Variants in RRP7A observed in about 807,000 individuals in gnomAD.
RRP7A encodes ribosomal RNA-processing protein 7 homolog A.
RRP7A carries 27 observed loss-of-function variants against 38.4 expected under a neutral mutation model. That is an observed-to-expected ratio of 0.70 (90% CI 0.52 to 0.97). RRP7A has a LOEUF of 0.97. RRP7A is among the 50% of genes least tolerant of loss of function. The pLI is 0.00. For synonymous variants in RRP7A, 124 were observed against 150.3 expected, an observed-to-expected ratio of 0.83 and a Z score of 1.28; for missense variants, 327 against 375.4, an observed-to-expected ratio of 0.87 and a Z score of 1.07.
Position 42,511,254 on chromosome 22 carries a change from G to C in RRP7A, c.*1656C>G, listed in dbSNP as rs540218886. 1 of 151,454 alleles carries C rather than the reference G, an allele frequency of 6.6e-6. No individual in the cohort carries two copies. Among genetic ancestry groups the C allele is most frequent in the Non-Finnish European group, 1.5e-5 (1 of 68,034 alleles). The allele number at this position is 151,454 out of a possible 1,614,324, so 9.4% of individuals were successfully genotyped here. On this transcript the variant is annotated 3_prime_UTR_variant, in exon 7 of 7. Coordinates refer to ENST00000323013, the MANE Select transcript of RRP7A (RefSeq NM_015703.5). ...TGCAGTGGGAAGATCTCAGCTTACT[G>C]TAACCTCCACCTCCCGGGTTCAAGC...
Position 42,512,425 on chromosome 22 carries a change from C to T in RRP7A, c.*485G>A, listed in dbSNP as rs1747547572. 3.2e-6 allele frequency: 2 copies of T among 617,868 alleles called. No individual in the cohort carries two copies. Among genetic ancestry groups the T allele is most frequent in the Non-Finnish European group, 5.7e-6 (2 of 352,026 alleles). The allele number at this position is 617,868 out of a possible 1,614,324, so 38.3% of individuals were successfully genotyped here. ...AACATCTGTGACCTCAAGGGGGAGA[C>T]AGAGTCTGGGTTCCAGGGCTGCTGT... On this transcript the variant is annotated 3_prime_UTR_variant, in exon 7 of 7. Transcript: ENST00000323013.
At position 42,509,393 on chromosome 22, in the gene RRP7A, C is replaced by T. The variant is rs1932373002; in HGVS notation, c.*3517G>A. The stretch of plus-strand genomic sequence containing the variant: ...CAGGTAAGGCTCCATAACCAGTGAG[C>T]CCAGTCTCGACTCACTGCAACCTCT... On this transcript the variant is annotated 3_prime_UTR_variant, in exon 7 of 7. Coordinates refer to ENST00000323013, the MANE Select transcript of RRP7A (RefSeq NM_015703.5). Among the ~76,000 whole-genome samples the T allele has an allele frequency of 6.6e-6, 1 of 150,816 alleles. No homozygotes were observed. Among genetic ancestry groups the T allele is most frequent in the Admixed American group, 6.7e-5 (1 of 14,972 alleles).
intron 5 of RRP7A, 55 bp from the exon 6 acceptor site, chr22:42,514,359 G>C (rs949824110): frequency 7.4e-7 from 1 of 1,354,240 alleles, no homozygotes; most frequent in Non-Finnish European, 1.0e-6. Context: ...CTCCAGCAGC[G>C]CGCCCTCCAC....
chr22:42,512,990 C>T lies in RRP7A; in HGVS notation c.763G>A (p.Ala255Thr). The change falls in exon 7 of 7, where the codon GCG (alanine) becomes ACG (threonine). Residue 255 changes from alanine (A) to threonine (T), a missense_variant. Around this residue, in one of 5 missense-constraint regions of RRP7A, gnomAD observed 84 missense variants for 82.8 expected, o/e 1.01. Coordinates refer to ENST00000323013, the MANE Select transcript of RRP7A (RefSeq NM_015703.5). ...TCCTCGAACTTCTTGCGCAGCTGCG[C>T]TAGATCTGGGGGTGAGAGGAGGCGC... ...QHRESKMEHL[A>T]QLRKKFEEDK... is the part of the protein sequence containing the mutation. 1 of 1,612,520 alleles carries T rather than the reference C, an allele frequency of 6.2e-7. No individual in the cohort carries two copies. Among genetic ancestry groups the T allele is most frequent in the Non-Finnish European group, 8.5e-7 (1 of 1,179,362 alleles).
At chr22:42,519,311 G>A (rs1601809268) in intron 1 of RRP7A, among the ~76,000 whole-genome samples, 1 of 151,604 alleles carries the variant, frequency 6.6e-6, no homozygotes, top group East Asian at 1.9e-4. Context: ...AGGGGCAAGA[G>A]GAGAAGGAGG....
chr22:42,515,991 C>T lies in RRP7A; in HGVS notation c.342+20G>A, dbSNP rs770899503. 2.7e-5 allele frequency: 43 copies of T among 1,575,622 alleles called. No individual in the cohort carries two copies. In the South Asian group the frequency reaches 4.6e-4, roughly 17 times the overall value. ...CCCCACCCCCCTCACTCTAGTGGAA[C>T]CCCGGGCTTGGCGGCTCACCGGAAC... On this transcript the variant is annotated intron_variant, in intron 3 of 6. Transcript: ENST00000323013.
chr22:42,511,839 C>G lies in RRP7A; in HGVS notation c.*1071G>C. On this transcript the variant is annotated 3_prime_UTR_variant, in exon 7 of 7. Coordinates refer to ENST00000323013, the MANE Select transcript of RRP7A (RefSeq NM_015703.5). ...AGGACTACTTCGGATACAATCACAG[C>G]AACCCTGGCCTCGGCCCTGCCCTGT... The G allele has an allele frequency of 2.1e-6, 1 of 465,464 alleles. No homozygotes were observed. The allele number at this position is 465,464 out of a possible 1,614,324, so 28.8% of individuals were successfully genotyped here.
chr22:42,511,915 C>A lies in RRP7A; in HGVS notation c.*995G>T. The stretch of plus-strand genomic sequence containing the variant: ...GCTGGCCTAGACCCCTGGGAGGCCT[C>A]CAAGTCCCTAAGGTTAGACATCTCC... On this transcript the variant is annotated 3_prime_UTR_variant, in exon 7 of 7. Transcript: ENST00000323013. 3.1e-6 allele frequency: 2 copies of A among 646,310 alleles called. No individual in the cohort carries two copies. The highest frequency in any genetic ancestry group is 2.8e-6 in the Non-Finnish European group (1 of 356,506). The allele number at this position is 646,310 out of a possible 1,614,324, so 40.0% of individuals were successfully genotyped here.
At position 42,516,336 on chromosome 22, in the gene RRP7A, C is replaced by CTT. The variant is rs11377171; in HGVS notation, c.217-202_217-201dup. 1,964 of 595,532 alleles carry CTT rather than the reference C, an allele frequency of 3.3e-3. No individual in the cohort carries two copies. In the East Asian group the frequency reaches 0.041, roughly 12 times the overall value. The allele number at this position is 595,532 out of a possible 1,614,324, so 36.9% of individuals were successfully genotyped here. A position where few individuals can be genotyped will look rare whatever the true frequency, so the allele number is the denominator to read the frequency against. The stretch of plus-strand genomic sequence containing the variant: ...CAATATGGAGGTTGATATTCCTGCT[C>CTT]TTTTTTTTTTTTGAGTTGGAGTATT... On this transcript the variant is annotated intron_variant, in intron 2 of 6. Transcript: ENST00000323013.
chr22:42,516,427 A>G (rs1238403248), intron 2 of RRP7A: 2 of 458,564 alleles, frequency 4.4e-6, no homozygotes, highest in South Asian at 3.4e-5. Flanking sequence ...CTCATGCCTC[A>G]GTCTCCCGAG....
At position 42,511,833 on chromosome 22, in the gene RRP7A, T is replaced by G. The variant is rs1569258795; in HGVS notation, c.*1077A>C. ...CTCACGAGGACTACTTCGGATACAA[T>G]CACAGCAACCCTGGCCTCGGCCCTG... On this transcript the variant is annotated 3_prime_UTR_variant, in exon 7 of 7. Transcript: ENST00000323013. 1 of 440,242 alleles carries G rather than the reference T, an allele frequency of 2.3e-6. No individual in the cohort carries two copies. The highest frequency in any genetic ancestry group is 4.1e-5 in the East Asian group (1 of 24,454). The allele number at this position is 440,242 out of a possible 1,614,324, so 27.3% of individuals were successfully genotyped here. A position where few individuals can be genotyped will look rare whatever the true frequency, so the allele number is the denominator to read the frequency against.
chr22:42,518,447 A>G (rs943892791), intron 1 of RRP7A, among the ~76,000 whole-genome samples: 3 of 151,948 alleles, frequency 2.0e-5, no homozygotes, highest in African/African-American at 7.3e-5. Flanking sequence ...TCAACGCCAA[A>G]ATCCTAACCA....
In RRP7A at chr22:42,518,163, G is replaced by A; in HGVS notation, c.74-16C>T. On this transcript the variant is annotated splice_polypyrimidine_tract_variant and intron_variant, in intron 1 of 6. Coordinates refer to ENST00000323013, the MANE Select transcript of RRP7A (RefSeq NM_015703.5). Reference sequence around the variant, plus strand: ...ATTGGAATAGCTGGAAAGGAAATGGGAGGGGAGGGATGGCCAGGCTACCCT... The same window carrying A: ...ATTGGAATAGCTGGAAAGGAAATGGAAGGGGAGGGATGGCCAGGCTACCCT... 2 of 1,607,638 alleles carry A rather than the reference G, an allele frequency of 1.2e-6. No individual in the cohort carries two copies. Among genetic ancestry groups the A allele is most frequent in the Non-Finnish European group, 1.7e-6 (2 of 1,176,028 alleles).
rs187240144 is a variant in RRP7A, at chr22:42,514,364, C to G, written c.559-60G>C. The G allele has an allele frequency of 1.1e-4, 135 of 1,258,136 alleles. 1 individual carries two copies. The African/African-American group carries it at 1.8e-3, about 17-fold the overall frequency. The allele number at this position is 1,258,136 out of a possible 1,614,324, so 77.9% of individuals were successfully genotyped here. ...CTCCTGCAGCCTCCAGCAGCGCGCC[C>G]TCCACGCCCTCCTCCCAAAGTCAGA... is the stretch of plus-strand genomic sequence containing the variant. On this transcript the variant is annotated intron_variant, in intron 5 of 6. Coordinates refer to ENST00000323013, the MANE Select transcript of RRP7A (RefSeq NM_015703.5).
At position 42,518,069 on chromosome 22, in the gene RRP7A, G is replaced by A. The variant is rs1601808653; in HGVS notation, c.152C>T (p.Thr51Ile). The A allele has an allele frequency of 4.3e-6, 7 of 1,614,004 alleles. No homozygotes were observed. In the East Asian group the frequency reaches 1.6e-4, roughly 36 times the overall value. ...CCTCTTCTGAGGCCAGGTGGACTTG[G>A]TGCCTTGTCGAACGCCGTGTGCTCT... The part of the protein sequence containing the change: ...YVRAHGVRQG[T>I]KSTWPQKRTL... The change falls in exon 2 of 7, where the codon ACC becomes ATC. Residue 51 changes from threonine (T) to isoleucine (I), a missense_variant. Thr to Ile is a moderately conservative substitution (Grantham distance 89). This residue lies in a region of RRP7A where 183 missense variants were observed against 141.8 expected (regional missense o/e 1.29). Transcript: ENST00000323013.
chr22:42,518,101 G>A lies in RRP7A; in HGVS notation c.120C>T (p.Leu40=), dbSNP rs11553438. 6.2e-7 allele frequency: 1 copy of A among 1,613,868 alleles called. No individual in the cohort carries two copies. Among genetic ancestry groups the A allele is most frequent in the Non-Finnish European group, 8.5e-7 (1 of 1,179,832 alleles). The change falls in exon 2 of 7, where the codon CTC becomes CTT. Residue 40 remains leucine, a synonymous_variant. Transcript: ENST00000323013. ...FSEKQQASHY[L]YVRAHGVRQG... is the part of the protein sequence containing the mutation. Reference sequence around the variant, plus strand: ...GTCGAACGCCGTGTGCTCTCACATAGAGGTAGTGAGAAGCCTGTTGCTTTT... The same window carrying A: ...GTCGAACGCCGTGTGCTCTCACATAAAGGTAGTGAGAAGCCTGTTGCTTTT...
At chr22:42,515,372 G>A in intron 3 of RRP7A, 104 bp from the exon 4 acceptor site, 1 of 736,978 alleles carries the variant, frequency 1.4e-6, no homozygotes, top group South Asian at 1.6e-5. Context: ...AGGGGAGATG[G>A]TGCTAGGCTA....
chr22:42,519,386 A>T (rs1387373219), intron 1 of RRP7A, among the ~76,000 whole-genome samples: 1 of 152,134 alleles, frequency 6.6e-6, no homozygotes, highest in Non-Finnish European at 1.5e-5. Flanking sequence ...CTAGGAGCAG[A>T]GGCGATGAGA....
At position 42,510,834 on chromosome 22, in the gene RRP7A, C is replaced by G. The variant is rs1342607785; in HGVS notation, c.*2076G>C. On this transcript the variant is annotated 3_prime_UTR_variant, in exon 7 of 7. Transcript: ENST00000323013. ...AAGACCCCTGGTCTGCCCCCAGGCC[C>G]AACAAGTGACCACCAGGATCTATCA... 1 of 1,202,320 alleles carries G rather than the reference C, an allele frequency of 8.3e-7. No homozygotes were observed. The highest frequency in any genetic ancestry group is 4.1e-5 in the East Asian group (1 of 24,350). The allele number at this position is 1,202,320 out of a possible 1,614,324, so 74.5% of individuals were successfully genotyped here.
Sources: gnomAD v4.1 joint callset for allele counts (sites outside exome capture counted in the v4.1 genomes callset) on GRCh38, gnomAD v4.1.1 for gene constraint, gnomAD v4.1.1 regional missense constraint, MANE v1.5 for transcripts, NCBI Gene and HGNC (gene_info 2026-07-23, HGNC 2026-07-21) for gene names.